The following ASIC2 variants were observed in gnomAD, a reference collection of about 807,000 sequenced individuals.
The protein encoded by ASIC2 is acid sensing ion channel subunit 2.
In ASIC2, 25 loss-of-function variants were observed where a neutral mutation model predicts 57.3. The ratio of observed to expected loss-of-function variants is 0.44; its 90% CI spans 0.32 to 0.61. The LOEUF is 0.61. Ranked by LOEUF, ASIC2 falls within the 20% of genes least tolerant of loss-of-function variation. The probability of loss-of-function intolerance (pLI) is 0.06; values close to 1 mark genes in which losing one functional copy is unlikely to be tolerated. For missense variants in ASIC2, 641 were observed against 738.1 expected (o/e 0.87, Z 1.52); for synonymous variants, 319 against 307.5 (o/e 1.04, Z -0.39).
At chr17:34,081,852 C>T (rs1282789941) in intron 1 of ASIC2, among the ~76,000 whole-genome samples, 1 of 152,136 alleles carries the variant, frequency 6.6e-6, no homozygotes, top group East Asian at 1.9e-4. Context: ...ATAATAGTTT[C>T]AGAGTAGTAG....
At chr17:33,269,635 C>T (rs1441358659) in intron 1 of ASIC2, among the ~76,000 whole-genome samples, 25 of 63,784 alleles carry the variant, frequency 3.9e-4, no homozygotes, top group African/African-American at 1.2e-3. Context: ...TCCTTCCTTC[C>T]TTCCTTCCTT....
Position 33,282,539 on chromosome 17 carries a change from A to G in ASIC2, c.708+8869T>C, listed in dbSNP as rs530411503. On this transcript the variant is annotated intron_variant, in intron 1 of 9. Coordinates refer to ENST00000225823, the MANE Select transcript of ASIC2 (RefSeq NM_183377.2). ...GTCCAGGCTGGAGTGTAGTGGTACAATCTTGGCTCATTATAACCTCCGCCT... is the reference window on the plus strand; with the variant it reads ...GTCCAGGCTGGAGTGTAGTGGTACAGTCTTGGCTCATTATAACCTCCGCCT... 7.9e-5 allele frequency among the ~76,000 whole-genome samples: 12 copies of G among 151,634 alleles called. No homozygotes were observed. In the South Asian group the frequency reaches 1.5e-3, roughly 18 times the overall value.
intron 1 of ASIC2, among the ~76,000 whole-genome samples, chr17:33,365,434 T>C (rs193080892): frequency 6.6e-6 from 1 of 152,116 alleles, no homozygotes; most frequent in African/African-American, 2.4e-5. Flanking sequence ...ATGTAGGAGG[T>C]ACTTAGGTTA....
chr17:34,021,837 GT>G (rs11394863), intron 1 of ASIC2, among the ~76,000 whole-genome samples: 7,142 of 118,336 alleles, frequency 0.06, 539 homozygotes, highest in African/African-American at 0.2. Flanking sequence ...GTTTTGTTTT[GT>G]TTTTTTTTTT....
rs559073212 is a variant in ASIC2, at chr17:33,156,749, C to A, written c.709-44682G>T. Among the ~76,000 whole-genome samples the A allele has an allele frequency of 2.5e-3, 375 of 152,050 alleles. 3 individuals are homozygous for A. Among genetic ancestry groups the A allele is most frequent in the African/African-American group, 8.6e-3 (357 of 41,484 alleles). On this transcript the variant is annotated intron_variant, in intron 1 of 9. Transcript: ENST00000225823. ...CCAGCCTGGGCGACAGAGCGAGACT[C>A]CATTTCAAAAAAAACAAAAACAAAC...
intron 1 of ASIC2, among the ~76,000 whole-genome samples, chr17:34,043,160 G>A (rs914128257): frequency 2.0e-5 from 3 of 152,200 alleles, no homozygotes; most frequent in Non-Finnish European, 4.4e-5. Flanking sequence ...TGGCAGGGTA[G>A]GATGGGAGCT....
intron 1 of ASIC2, among the ~76,000 whole-genome samples, chr17:33,387,584 C>T (rs756842655): frequency 7.2e-5 from 11 of 152,236 alleles, no homozygotes; most frequent in Non-Finnish European, 1.5e-4. Context: ...TCCCACTTTC[C>T]GCTGCCCCGA....
intron 1 of ASIC2, among the ~76,000 whole-genome samples, chr17:33,493,692 C>T (rs1174236200): frequency 6.6e-6 from 1 of 152,126 alleles, no homozygotes; most frequent in Non-Finnish European, 1.5e-5. Context: ...AACCCAGAAT[C>T]GGTCTGCCCT....
intron 1 of ASIC2, among the ~76,000 whole-genome samples, chr17:33,966,521 T>C (rs1429911168): frequency 6.6e-6 from 1 of 152,198 alleles, no homozygotes; most frequent in Non-Finnish European, 1.5e-5. Context: ...TCATAGAATG[T>C]AACTCACTAA....
intron 1 of ASIC2, chr17:34,006,546 G>A (rs1906531108): frequency 1.3e-5 from 2 of 151,812 alleles, no homozygotes; most frequent in African/African-American, 4.8e-5. Flanking sequence ...TACTTTTTAG[G>A]TTTTTCTTAG....
At chr17:33,748,435 G>A (rs946950774) in intron 1 of ASIC2, among the ~76,000 whole-genome samples, 2 of 152,214 alleles carry the variant, frequency 1.3e-5, no homozygotes, top group African/African-American at 4.8e-5. Flanking sequence ...AGGAGACACA[G>A]TACAGTCCTT....
intron 1 of ASIC2, among the ~76,000 whole-genome samples, chr17:33,454,149 T>A (rs955473474): frequency 6.6e-6 from 1 of 152,224 alleles, no homozygotes; most frequent in Admixed American, 6.5e-5. Flanking sequence ...TGACATTTCT[T>A]TTACTTGTCC....
intron 1 of ASIC2, among the ~76,000 whole-genome samples, chr17:33,941,632 C>T (rs1316705467): frequency 6.6e-6 from 1 of 152,192 alleles, no homozygotes; most frequent in Non-Finnish European, 1.5e-5. Flanking sequence ...GAAACTGGGA[C>T]AGCAGCAGTG....
rs200161043 is a variant in ASIC2 at position 34,090,710 on chromosome 17, C to A, written c.555+65268G>T. On this transcript the variant is annotated intron_variant, in intron 1 of 9. Coordinates refer to the ASIC2 transcript ENST00000359872. ...ACTCTGGCAACTTCCTATAGACCCT[C>A]AGTAATGGGCCACTCCCCACATCCA... Among the ~76,000 whole-genome samples, 4 of 152,152 alleles carry A rather than the reference C, an allele frequency of 2.6e-5. No homozygotes were observed. The East Asian group carries it at 7.7e-4, about 29-fold the overall frequency.
At chr17:33,698,979 C>A (rs1281457237) in intron 1 of ASIC2, among the ~76,000 whole-genome samples, 1 of 152,140 alleles carries the variant, frequency 6.6e-6, no homozygotes, top group African/African-American at 2.4e-5. Flanking sequence ...AAAATGCTGT[C>A]TCCTCATTGG....
intron 1 of ASIC2, among the ~76,000 whole-genome samples, chr17:33,795,176 T>C (rs1911881111): frequency 6.6e-6 from 1 of 152,234 alleles, no homozygotes; most frequent in Admixed American, 6.5e-5. Context: ...GTTTGTGCAA[T>C]GCTCAGATGT....
chr17:34,033,100 C>A (rs1302445815), intron 1 of ASIC2, among the ~76,000 whole-genome samples: 1 of 152,102 alleles, frequency 6.6e-6, no homozygotes, highest in African/African-American at 2.4e-5. Flanking sequence ...CCAAAATTGA[C>A]CACATAGATG....
intron 1 of ASIC2, among the ~76,000 whole-genome samples, chr17:33,394,038 G>C (rs1184091883): frequency 6.6e-6 from 1 of 152,196 alleles, no homozygotes; most frequent in Non-Finnish European, 1.5e-5. Flanking sequence ...GTGACAATAA[G>C]TGAAACACGC....
intron 1 of ASIC2, among the ~76,000 whole-genome samples, chr17:33,791,036 G>T (rs1911754390): frequency 6.6e-6 from 1 of 152,158 alleles, no homozygotes; most frequent in South Asian, 2.1e-4. Flanking sequence ...CTGTGCCCTG[G>T]ACTAGCCCAG....
Sources: allele counts gnomAD v4.1 joint callset (sites outside exome capture counted in the v4.1 genomes callset), GRCh38; gene constraint gnomAD v4.1.1; transcripts MANE v1.5; gene names NCBI Gene and HGNC (gene_info 2026-07-23, HGNC 2026-07-21).